Variants in MYCBP2 observed in about 807,000 individuals in gnomAD.
The protein encoded by MYCBP2 is MYC binding protein 2.
MYCBP2 carries 120 observed loss-of-function variants against 525.3 expected under a neutral mutation model. That is an observed-to-expected ratio of 0.23 (90% CI 0.20 to 0.27). The LOEUF is 0.27. MYCBP2 is among the 10% of genes least tolerant of loss of function. MYCBP2 has a pLI of 1.00. For synonymous variants in MYCBP2, 1,894 were observed against 1,955.8 expected, an observed-to-expected ratio of 0.97 and a Z score of 0.83; for missense variants, 4,149 against 5,657.1, an observed-to-expected ratio of 0.73 and a Z score of 8.55.
Position 77,045,375 on chromosome 13 carries a change from G to A in MYCBP2, c.*3C>T, listed in dbSNP as rs1291963740. 1 of 1,607,414 alleles carries A rather than the reference G, an allele frequency of 6.2e-7. No homozygotes were observed. Among genetic ancestry groups the A allele is most frequent in the Non-Finnish European group, 8.5e-7 (1 of 1,175,038 alleles). Reference sequence around the variant, plus strand: ...CTCTCTGTAGACAAAGGATCTGCGTGTTCTAAAAAGTGTGGGCATTTCTGC... The same window carrying A: ...CTCTCTGTAGACAAAGGATCTGCGTATTCTAAAAAGTGTGGGCATTTCTGC... On this transcript the variant is annotated 3_prime_UTR_variant, in exon 83 of 83. Transcript: ENST00000544440.
intron 82 of MYCBP2, among the ~76,000 whole-genome samples, chr13:77,047,327 A>G (rs1409150353): frequency 6.6e-6 from 1 of 152,174 alleles, no homozygotes; most frequent in Non-Finnish European, 1.5e-5. Flanking sequence ...TAGATACCTC[A>G]TCTTTAAAAT....
Position 77,051,926 on chromosome 13 carries a change from G to A in MYCBP2, c.13648-8C>T, listed in dbSNP as rs756496185. 3 of 1,610,020 alleles carry A rather than the reference G, an allele frequency of 1.9e-6. No individual in the cohort carries two copies. The highest frequency in any genetic ancestry group is 2.2e-5 in the South Asian group (2 of 90,964). On this transcript the variant is annotated splice_polypyrimidine_tract_variant and splice_region_variant and intron_variant, in intron 80 of 82. Coordinates refer to ENST00000544440, the MANE Select transcript of MYCBP2 (RefSeq NM_015057.5). ...TTCACCACCAAAATATGCCTGTGGA[G>A]AAAACACATCTAGATTACAGCAGGA...
intron 50 of MYCBP2, among the ~76,000 whole-genome samples, 191 bp downstream of exon 50, chr13:77,140,655 A>T (rs570998994): frequency 6.6e-6 from 1 of 152,326 alleles, no homozygotes; most frequent in Non-Finnish European, 1.5e-5. Context: ...TACAATATGT[A>T]CCAAATAAAG....
At chr13:77,051,248 C>T in intron 81 of MYCBP2, 86 bp from the exon 82 acceptor site, 1 of 1,204,056 alleles carries the variant, frequency 8.3e-7, no homozygotes. Context: ...TAGACAGCTC[C>T]TTAATTCATA....
rs56408804 is a variant in MYCBP2 at position 77,266,746 on chromosome 13, G to GAAAAAAAAAAAAAA, written c.1357+1081_1357+1094dup. On this transcript the variant is annotated intron_variant, in intron 8 of 82. Transcript: ENST00000544440. ...AAAGACATGGTCCAGGACTTGTAATGAAAAAAAAAAAAAAAAAAAAAACCC... is the reference window on the plus strand; with the variant it reads ...AAAGACATGGTCCAGGACTTGTAATGAAAAAAAAAAAAAAAAAAAAAAAAAAAAAAAAAAAACCC... Among the ~76,000 whole-genome samples the GAAAAAAAAAAAAAA allele has an allele frequency of 5.9e-4, 53 of 89,406 alleles. 1 individual carries two copies. The highest frequency in any genetic ancestry group is 2.3e-3 in the African/African-American group (51 of 22,486). The allele number at this position is 89,406 out of a possible 152,430, so 58.7% of individuals were successfully genotyped here.
intron 33 of MYCBP2, 82 bp from the exon 34 acceptor site, chr13:77,180,400 G>T: frequency 1.7e-6 from 2 of 1,192,252 alleles, no homozygotes; most frequent in Non-Finnish European, 2.4e-6. Context: ...TTGTCTTTCT[G>T]ATACTCTTAA....
At chr13:77,237,543 G>T (rs193066441) in intron 17 of MYCBP2, among the ~76,000 whole-genome samples, 5 of 152,196 alleles carry the variant, frequency 3.3e-5, no homozygotes, top group Admixed American at 3.3e-4. Flanking sequence ...AGTAAAACTT[G>T]ATTAGAAGAT....
chr13:77,180,663 C>G (rs1279826001), intron 33 of MYCBP2, among the ~76,000 whole-genome samples: 1 of 152,190 alleles, frequency 6.6e-6, no homozygotes, highest in Non-Finnish European at 1.5e-5. Context: ...GTCAGCAATA[C>G]CAGCACTTTG....
chr13:77,200,356 G>T (rs1273676554), intron 26 of MYCBP2, among the ~76,000 whole-genome samples: 1 of 152,126 alleles, frequency 6.6e-6, no homozygotes, highest in Non-Finnish European at 1.5e-5. Context: ...AGAATAAAAA[G>T]AAACGAACAA....
chr13:77,096,519 A>C, intron 56 of MYCBP2, 38 bp from the exon 57 acceptor site: 1 of 1,606,704 alleles, frequency 6.2e-7, no homozygotes, highest in Non-Finnish European at 8.5e-7. Flanking sequence ...TAACACTCCA[A>C]GTGTCCTTAA....
At chr13:77,185,840 C>T (rs1282917300) in intron 31 of MYCBP2, 31 bp downstream of exon 31, 1 of 1,462,274 alleles carries the variant, frequency 6.8e-7, no homozygotes, top group South Asian at 1.4e-5. Context: ...ATATTTTCTC[C>T]CTATAGTCAT....
intron 8 of MYCBP2, among the ~76,000 whole-genome samples, chr13:77,265,190 C>G (rs1334317327): frequency 1.3e-5 from 2 of 151,876 alleles, no homozygotes. Flanking sequence ...CACTGGTAGC[C>G]CAAGAGACTT....
Position 77,139,307 on chromosome 13 carries a change from C to T in MYCBP2, c.7548G>A (p.Arg2516=), listed in dbSNP as rs1243099266. 3 of 1,613,538 alleles carry T rather than the reference C, an allele frequency of 1.9e-6. No homozygotes were observed. Among genetic ancestry groups the T allele is most frequent in the South Asian group, 1.1e-5 (1 of 90,994 alleles). The change falls in exon 52 of 83, where the codon AGG becomes AGA. Residue 2516 remains arginine, a synonymous_variant. Coordinates refer to ENST00000544440, the MANE Select transcript of MYCBP2 (RefSeq NM_015057.5). ...ACTTCTTTATTGTCTCATCATTCAG[C>T]CTCAGCCACACACCATCATCATTAT... ...EIHNDDGVWL[R]LNDETIKKYV...
In MYCBP2 at chr13:77,096,464, C is replaced by T; in HGVS notation, c.9802G>A (p.Gly3268Ser). ...CCAATGCTATTGTAACCTTGTCCAC[C>T]AGCATATCGGCCACAACCTTGAAAC... is the stretch of plus-strand genomic sequence containing the variant. ...QAHPGCGRYA[G>S]GQGYNSIGHF... The change falls in exon 57 of 83, where the codon GGT becomes AGT. Residue 3268 changes from glycine (G) to serine (S), a missense_variant. Coordinates refer to ENST00000544440, the MANE Select transcript of MYCBP2 (RefSeq NM_015057.5). 1 of 1,613,206 alleles carries T rather than the reference C, an allele frequency of 6.2e-7. No homozygotes were observed. Among genetic ancestry groups the T allele is most frequent in the Non-Finnish European group, 8.5e-7 (1 of 1,179,460 alleles).
chr13:77,227,463 T>TACAC (rs1231980266), intron 18 of MYCBP2, among the ~76,000 whole-genome samples: 1 of 118,708 alleles, frequency 8.4e-6, no homozygotes, highest in African/African-American at 3.3e-5. Flanking sequence ...TGCAAAAGCC[T>TACAC]ACACACACAC....
intron 4 of MYCBP2, among the ~76,000 whole-genome samples, chr13:77,276,488 T>A (rs1458383181): frequency 6.6e-6 from 1 of 152,138 alleles, no homozygotes; most frequent in Non-Finnish European, 1.5e-5. Context: ...CATGAAGTGA[T>A]AATAAATCCC....
At chr13:77,050,146 T>C (rs1160285637) in intron 82 of MYCBP2, among the ~76,000 whole-genome samples, 1 of 152,152 alleles carries the variant, frequency 6.6e-6, no homozygotes, top group African/African-American at 2.4e-5. Context: ...GTCCTCACAT[T>C]TGTAGCTATA....
At chr13:77,155,997 AT>A (rs2057169910) in intron 46 of MYCBP2, 60 bp downstream of exon 46, 1 of 1,509,702 alleles carries the variant, frequency 6.6e-7, no homozygotes, top group African/African-American at 1.4e-5. Flanking sequence ...CATTTCTAAA[AT>A]TTTATCAGTC....
rs2039945174 is a variant in MYCBP2 at position 77,064,841 on chromosome 13, G to A, written c.12553-107C>T. 26 of 1,090,274 alleles carry A rather than the reference G, an allele frequency of 2.4e-5. No homozygotes were observed. In the East Asian group the frequency reaches 7.2e-4, roughly 30 times the overall value. The allele number at this position is 1,090,274 out of a possible 1,614,324, so 67.5% of individuals were successfully genotyped here. A position where few individuals can be genotyped will look rare whatever the true frequency, so the allele number is the denominator to read the frequency against. On this transcript the variant is annotated intron_variant, in intron 72 of 82. Transcript: ENST00000544440. ...CTATCAAAGGAAATATTTGTTTTTA[G>A]TGAGACCATGGAATTTTAGATTATG...
Sources: allele counts gnomAD v4.1 joint callset (sites outside exome capture counted in the v4.1 genomes callset), GRCh38; gene constraint gnomAD v4.1.1; transcripts MANE v1.5; gene names NCBI Gene and HGNC (gene_info 2026-07-23, HGNC 2026-07-21).